GLYR1: variants seen among roughly 807,000 people sequenced by gnomAD.
GLYR1 encodes glyoxylate reductase 1 homolog, also known as cytokine-like nuclear factor N-PAC.
A neutral mutation model predicts 72.7 loss-of-function variants in GLYR1; 21 were observed. The ratio of observed to expected loss-of-function variants is 0.29; its 90% CI spans 0.20 to 0.42. The LOEUF (loss-of-function observed/expected upper bound fraction) is 0.42, where lower values mean the gene tolerates loss of function less well. Among genes scored for constraint, GLYR1 ranks in the 10% least tolerant of loss-of-function variants. GLYR1 has a pLI of 1.00. For missense variants in GLYR1, 594 were observed against 712.1 expected, an observed-to-expected ratio of 0.83 and a Z score of 1.89; for synonymous variants, 392 against 270.2, an observed-to-expected ratio of 1.45 and a Z score of -4.42.
chr16:4,812,475 C>A (rs1236239955), intron 12 of GLYR1, among the ~76,000 whole-genome samples: 1 of 151,988 alleles, frequency 6.6e-6, no homozygotes, highest in African/African-American at 2.4e-5. Flanking sequence ...GGTCTCCACA[C>A]AGGAACCCAA....
chr16:4,840,385 T>C (rs967645170), intron 3 of GLYR1: 3 of 152,216 alleles, frequency 2.0e-5, no homozygotes, highest in African/African-American at 7.2e-5. Flanking sequence ...CTGAAGTCCA[T>C]AGAGTATTCC....
chr16:4,816,172 G>T (rs1357191092), intron 10 of GLYR1, among the ~76,000 whole-genome samples: 1 of 151,984 alleles, frequency 6.6e-6, no homozygotes, highest in African/African-American at 2.4e-5. Context: ...CTGAGACAGG[G>T]TCTTGCTGCT....
At chr16:4,812,619 A>C (rs191743098) in intron 12 of GLYR1, among the ~76,000 whole-genome samples, 240 of 150,760 alleles carry the variant, frequency 1.6e-3, no homozygotes, top group African/African-American at 5.6e-3. Flanking sequence ...CAGCCTCCCG[A>C]GTAACTGGGA....
intron 3 of GLYR1, among the ~76,000 whole-genome samples, chr16:4,835,454 T>C (rs1470802731): frequency 6.6e-6 from 1 of 152,232 alleles, no homozygotes; most frequent in Non-Finnish European, 1.5e-5. Flanking sequence ...ATGAATAGGA[T>C]GGTAAATCCA....
At chr16:4,843,480 T>A in intron 3 of GLYR1, 5 of 1,268,862 alleles carry the variant, frequency 3.9e-6, no homozygotes, top group Non-Finnish European at 5.1e-6. Context: ...ATCCATGGAG[T>A]TCTAAGAACA....
At chr16:4,812,392 G>T (rs1003493634) in intron 12 of GLYR1, 144 bp from the exon 13 acceptor site, 3 of 799,550 alleles carry the variant, frequency 3.8e-6, no homozygotes, top group South Asian at 1.8e-5. Flanking sequence ...AGGTCCTTTA[G>T]CTGACACCTA....
intron 15 of GLYR1, among the ~76,000 whole-genome samples, chr16:4,807,686 T>G (rs867473008): frequency 5.3e-5 from 8 of 152,196 alleles, no homozygotes. Context: ...AATCCTGTAG[T>G]CAGGGTGGAG....
intron 12 of GLYR1, among the ~76,000 whole-genome samples, chr16:4,812,650 G>A (rs937395559): frequency 6.6e-5 from 10 of 151,438 alleles, no homozygotes; most frequent in African/African-American, 2.2e-4. Context: ...CCACCACCAC[G>A]CCTGGCTAAT....
At chr16:4,823,498 A>C (rs2084174392) in intron 6 of GLYR1, among the ~76,000 whole-genome samples, 1 of 152,182 alleles carries the variant, frequency 6.6e-6, no homozygotes, top group Admixed American at 6.5e-5. Flanking sequence ...TTTATAAAAT[A>C]TTAGGGGAAA....
intron 15 of GLYR1, among the ~76,000 whole-genome samples, chr16:4,809,229 G>A (rs2083184844): frequency 8.5e-6 from 1 of 118,064 alleles, no homozygotes; most frequent in Non-Finnish European, 1.6e-5. Context: ...TCACTCTGTT[G>A]CCCAGGCTGG....
intron 5 of GLYR1, among the ~76,000 whole-genome samples, chr16:4,829,475 CTTTT>C (rs973360739): frequency 5.9e-5 from 9 of 151,502 alleles, no homozygotes; most frequent in Non-Finnish European, 1.3e-4. Flanking sequence ...CCAACTAGTA[CTTTT>C]TGTTTCTTTT....
At chr16:4,833,535 C>G (rs1047563798) in intron 3 of GLYR1, among the ~76,000 whole-genome samples, 6 of 151,944 alleles carry the variant, frequency 3.9e-5, no homozygotes, top group African/African-American at 1.4e-4. Context: ...ATGATGGTAA[C>G]CATGGCTACT....
intron 5 of GLYR1, among the ~76,000 whole-genome samples, chr16:4,830,687 C>A (rs765472772): frequency 2.0e-5 from 3 of 152,216 alleles, no homozygotes; most frequent in Admixed American, 6.5e-5. Context: ...GACAATCCTA[C>A]CGCGTTCCTG....
At chr16:4,846,979 G>C in intron 1 of GLYR1, 1 of 520,276 alleles carries the variant, frequency 1.9e-6, no homozygotes, top group Non-Finnish European at 3.4e-6. Context: ...TCTGGGCCCC[G>C]AGTGCAGACC....
intron 3 of GLYR1, among the ~76,000 whole-genome samples, chr16:4,841,796 T>C: frequency 6.6e-6 from 1 of 152,220 alleles, no homozygotes; most frequent in East Asian, 1.9e-4. Context: ...ATTGCCTCTG[T>C]TATTCCTAAG....
intron 3 of GLYR1, among the ~76,000 whole-genome samples, chr16:4,842,614 G>C (rs1256044653): frequency 3.9e-5 from 6 of 152,204 alleles, no homozygotes; most frequent in African/African-American, 1.2e-4. Context: ...TCCTGTCTTG[G>C]CCTCCCAAAG....
intron 5 of GLYR1, among the ~76,000 whole-genome samples, chr16:4,828,901 G>A (rs754301044): frequency 2.6e-5 from 4 of 152,004 alleles, no homozygotes; most frequent in Non-Finnish European, 5.9e-5. Context: ...TCTTTCCAGG[G>A]TGGCACAGGC....
chr16:4,810,699 TAAAAAAAAAAAAAA>T (rs551202037), intron 15 of GLYR1, among the ~76,000 whole-genome samples: 19 of 21,812 alleles, frequency 8.7e-4, no homozygotes, highest in Non-Finnish European at 1.3e-3. Flanking sequence ...CTGTCTCTAC[TAAAAAAAAAAAAAA>T]AAAAAAAAAA....
intron 5 of GLYR1, among the ~76,000 whole-genome samples, chr16:4,828,164 G>T (rs903224354): frequency 6.6e-6 from 1 of 151,552 alleles, no homozygotes; most frequent in Non-Finnish European, 1.5e-5. Flanking sequence ...CCGCCTCCCG[G>T]GTTCACGCCA....
Sources: allele counts gnomAD v4.1 joint callset (sites outside exome capture counted in the v4.1 genomes callset), GRCh38; gene constraint gnomAD v4.1.1; transcripts MANE v1.5; gene names NCBI Gene and HGNC (gene_info 2026-07-23, HGNC 2026-07-21).